Variants in LIMD1 observed in about 807,000 individuals in gnomAD.
LIMD1 encodes LIM domain containing 1.
In LIMD1, 23 loss-of-function variants were observed where a neutral mutation model predicts 58.4. That is an observed-to-expected ratio of 0.39 (90% confidence interval 0.28 to 0.56). LIMD1 has a LOEUF of 0.56. Ranked by LOEUF, LIMD1 falls within the 20% of genes least tolerant of loss-of-function variation. The pLI is 0.57. For missense variants in LIMD1, 838 were observed against 855.5 expected, an observed-to-expected ratio of 0.98 and a Z score of 0.25; for synonymous variants, 334 against 345.5, an observed-to-expected ratio of 0.97 and a Z score of 0.37.
rs1697763656 is a variant in LIMD1 at position 45,682,986 on chromosome 3, C to G, written c.*5927C>G. 1 of 152,316 alleles carries G rather than the reference C, an allele frequency of 6.6e-6. No homozygotes were observed. Among genetic ancestry groups the G allele is most frequent in the Admixed American group, 6.5e-5 (1 of 15,298 alleles). The allele number at this position is 152,316 out of a possible 1,614,324, so 9.4% of individuals were successfully genotyped here. A position where few individuals can be genotyped will look rare whatever the true frequency, so the allele number is the denominator to read the frequency against. On this transcript the variant is annotated 3_prime_UTR_variant, in exon 8 of 8. Coordinates refer to ENST00000273317, the MANE Select transcript of LIMD1 (RefSeq NM_014240.3). ...TCCAGAGGTGCTATAGGGTGCTGCC[C>G]ATTCCTTGCCCCTTTTCCGCTTCTA...
In LIMD1 at chr3:45,599,004, G is replaced by A. The variant is rs193159296; in HGVS notation, c.1408+2717G>A. Among the ~76,000 whole-genome samples, 23 of 152,212 alleles carry A rather than the reference G, an allele frequency of 1.5e-4. 1 individual carries two copies. In the East Asian group the frequency reaches 3.1e-3, roughly 20 times the overall value. ...CAGGGAGATTAAATTACTTACTGGC[G>A]GTGTCACAGGTCATATTGGGTACTG... is the stretch of plus-strand genomic sequence containing the variant. On this transcript the variant is annotated intron_variant, in intron 1 of 7. Coordinates refer to ENST00000273317, the MANE Select transcript of LIMD1 (RefSeq NM_014240.3).
At chr3:45,616,757 C>A (rs1701579766) in intron 1 of LIMD1, among the ~76,000 whole-genome samples, 1 of 142,056 alleles carries the variant, frequency 7.0e-6, no homozygotes, top group African/African-American at 2.6e-5. Flanking sequence ...ATGAGAAAGT[C>A]TTTTTTTTTT....
chr3:45,659,408 G>A (rs756614129), intron 2 of LIMD1, among the ~76,000 whole-genome samples: 27 of 152,070 alleles, frequency 1.8e-4, no homozygotes, highest in Admixed American at 3.3e-4. Context: ...ACAACATGGC[G>A]AAACACTGTC....
At chr3:45,649,829 A>T (rs1701948207) in intron 2 of LIMD1, among the ~76,000 whole-genome samples, 1 of 124,654 alleles carries the variant, frequency 8.0e-6, no homozygotes. Context: ...TACTTTTTTG[A>T]GTTCCTTGAA....
At chr3:45,666,295 C>T (rs572648733) in intron 3 of LIMD1, among the ~76,000 whole-genome samples, 7 of 152,302 alleles carry the variant, frequency 4.6e-5, no homozygotes, top group South Asian at 2.1e-4. Flanking sequence ...CGCAGCCAGG[C>T]GTTGAACTCT....
At chr3:45,610,186 GA>G (rs539107642) in intron 1 of LIMD1, among the ~76,000 whole-genome samples, 3 of 151,954 alleles carry the variant, frequency 2.0e-5, no homozygotes, top group South Asian at 4.2e-4. Context: ...TCTGTCTCAA[GA>G]AAAAAAAGAC....
At chr3:45,665,061 C>T (rs543054593) in intron 2 of LIMD1, among the ~76,000 whole-genome samples, 229 of 152,142 alleles carry the variant, frequency 1.5e-3, no homozygotes, top group Non-Finnish European at 2.5e-3. Context: ...GAGTTCCATC[C>T]AAGGAATCAG....
chr3:45,603,444 G>T (rs1355459813), intron 1 of LIMD1, among the ~76,000 whole-genome samples: 1 of 151,902 alleles, frequency 6.6e-6, no homozygotes, highest in Non-Finnish European at 1.5e-5. Flanking sequence ...TGAGTGACTG[G>T]CATGACTAGA....
intron 2 of LIMD1, among the ~76,000 whole-genome samples, chr3:45,659,510 C>G (rs188022327): frequency 9.2e-5 from 14 of 152,160 alleles, no homozygotes; most frequent in African/African-American, 2.9e-4. Flanking sequence ...ATTCCTTGAG[C>G]CTGGGAGGCT....
At chr3:45,607,271 G>A (rs1047945633) in intron 1 of LIMD1, among the ~76,000 whole-genome samples, 1 of 152,120 alleles carries the variant, frequency 6.6e-6, no homozygotes, top group Non-Finnish European at 1.5e-5. Flanking sequence ...CCCTTACAGG[G>A]AAACCAGCTG....
intron 2 of LIMD1, among the ~76,000 whole-genome samples, chr3:45,639,412 A>T (rs1418929124): frequency 6.6e-6 from 1 of 152,218 alleles, no homozygotes; most frequent in African/African-American, 2.4e-5. Context: ...ATAACAAAGT[A>T]CCATACACTG....
intron 1 of LIMD1, among the ~76,000 whole-genome samples, chr3:45,614,298 C>T (rs973406349): frequency 2.7e-5 from 4 of 150,824 alleles, no homozygotes; most frequent in African/African-American, 4.9e-5. Flanking sequence ...GAGGCCGAGG[C>T]GGGTGGATCA....
chr3:45,674,181 T>A (rs1431473519), intron 6 of LIMD1, among the ~76,000 whole-genome samples, 162 bp from the exon 7 acceptor site: 1 of 152,178 alleles, frequency 6.6e-6, no homozygotes, highest in Non-Finnish European at 1.5e-5. Flanking sequence ...TCAGCTTAAA[T>A]GTATTCTTCT....
At chr3:45,616,210 C>T (rs1701574962) in intron 1 of LIMD1, among the ~76,000 whole-genome samples, 2 of 152,080 alleles carry the variant, frequency 1.3e-5, no homozygotes, top group South Asian at 2.1e-4. Flanking sequence ...AGAACTGGGC[C>T]CCCTTCCTCC....
intron 3 of LIMD1, among the ~76,000 whole-genome samples, chr3:45,665,966 C>G (rs1697512526): frequency 6.6e-6 from 1 of 152,190 alleles, no homozygotes; most frequent in South Asian, 2.1e-4. Context: ...CTGCCTCTTC[C>G]ACCACCCTGG....
rs949471154 is a variant in LIMD1 at position 45,664,595 on chromosome 3, C to G, written c.1511-1055C>G. 5.9e-5 allele frequency among the ~76,000 whole-genome samples: 9 copies of G among 152,344 alleles called. No homozygotes were observed. In the South Asian group the frequency reaches 1.2e-3, roughly 21 times the overall value. On this transcript the variant is annotated intron_variant, in intron 2 of 7. Transcript: ENST00000273317. ...GATGGATTTGTAGTTAAAGTTACTT[C>G]CTTTTTTATGCCTTTTCCGCTGCGT...
chr3:45,599,944 A>T (rs1211240625), intron 1 of LIMD1, among the ~76,000 whole-genome samples: 20 of 125,288 alleles, frequency 1.6e-4, no homozygotes, highest in Admixed American at 1.5e-3. Context: ...GAAGATTGGC[A>T]GTCATTGCCT....
chr3:45,622,817 G>A (rs1463200273), intron 1 of LIMD1, among the ~76,000 whole-genome samples: 1 of 151,980 alleles, frequency 6.6e-6, no homozygotes, highest in Non-Finnish European at 1.5e-5. Context: ...TACAGGCGTG[G>A]CTACTGCACC....
rs1697609875 is a variant in LIMD1 at position 45,672,816 on chromosome 3, C to T, written c.1768C>T (p.His590Tyr). The T allele has an allele frequency of 1.2e-6, 2 of 1,613,516 alleles. No homozygotes were observed. The highest frequency in any genetic ancestry group is 1.7e-6 in the Non-Finnish European group (2 of 1,179,732). ...ENKIYCVRDY[H>Y]KVLAPKCAAC... is the part of the protein sequence containing the mutation. ...CAAGATCTACTGTGTCCGAGATTAC[C>T]ACAAGTAAGAAGGGATGGGAGCAGA... is the stretch of plus-strand genomic sequence containing the variant. Residue 590 changes from histidine (H) to tyrosine (Y), a missense_variant, in exon 5 of 8, where the codon CAC becomes TAC. His to Tyr is a moderately conservative substitution (Grantham distance 83, BLOSUM62 2). This residue lies in a region of LIMD1 where 174 missense variants were observed against 197.4 expected (regional missense o/e 0.88). Transcript: ENST00000273317.
Sources: gnomAD v4.1 joint callset for allele counts (sites outside exome capture counted in the v4.1 genomes callset) on GRCh38, gnomAD v4.1.1 for gene constraint, gnomAD v4.1.1 regional missense constraint, MANE v1.5 for transcripts, NCBI Gene and HGNC (gene_info 2026-07-23, HGNC 2026-07-21) for gene names.